LDAH: variants seen among roughly 807,000 people sequenced by gnomAD.
LDAH encodes lipid droplet associated hydrolase, also known as lipid droplet-associated hydrolase.
LDAH carries 26 observed loss-of-function variants against 29.6 expected under a neutral mutation model. The ratio of observed to expected loss-of-function variants is 0.88; its 90% confidence interval spans 0.64 to 1.22. The LOEUF is 1.22. Among genes scored for constraint, LDAH ranks in the 50% most tolerant of loss-of-function variants. LDAH has a pLI of 0.00. For synonymous variants in LDAH, 117 were observed against 133.0 expected (o/e 0.88, Z 0.83); for missense variants, 344 against 387.3 (o/e 0.89, Z 0.94).
At chr2:20,779,629 A>G (rs1670049851) in intron 3 of LDAH, among the ~76,000 whole-genome samples, 1 of 152,110 alleles carries the variant, frequency 6.6e-6, no homozygotes, top group African/African-American at 2.4e-5. Context: ...AGAACTAGAG[A>G]TGGGATACAA....
chr2:20,821,004 C>T (rs1260396337), intron 1 of LDAH, among the ~76,000 whole-genome samples: 1 of 151,438 alleles, frequency 6.6e-6, no homozygotes. Flanking sequence ...AGACAAAAAA[C>T]ACATGAAAAA....
At chr2:20,693,538 A>G (rs747682315) in intron 6 of LDAH, among the ~76,000 whole-genome samples, 2 of 152,162 alleles carry the variant, frequency 1.3e-5, no homozygotes, top group Non-Finnish European at 2.9e-5. Flanking sequence ...CCAAATAAAC[A>G]GTGAAGCACA....
intron 2 of LDAH, among the ~76,000 whole-genome samples, chr2:20,791,851 C>T (rs1216054628): frequency 6.6e-6 from 1 of 152,116 alleles, no homozygotes; most frequent in East Asian, 1.9e-4. Flanking sequence ...TTATATAATC[C>T]ATTCTTTCTG....
chr2:20,761,222 C>T (rs1668665457), intron 4 of LDAH, among the ~76,000 whole-genome samples: 1 of 152,038 alleles, frequency 6.6e-6, no homozygotes, highest in Admixed American at 6.6e-5. Flanking sequence ...CACTTATGAA[C>T]CAAGTGAGAA....
At chr2:20,797,655 T>C (rs1671392016) in intron 2 of LDAH, among the ~76,000 whole-genome samples, 1 of 152,104 alleles carries the variant, frequency 6.6e-6, no homozygotes, top group African/African-American at 2.4e-5. Flanking sequence ...TTCCAATTTG[T>C]TTTTTGTCTT....
intron 1 of LDAH, among the ~76,000 whole-genome samples, chr2:20,817,165 A>G (rs1205602477): frequency 6.6e-6 from 1 of 152,022 alleles, no homozygotes; most frequent in Non-Finnish European, 1.5e-5. Flanking sequence ...AAATAAACCT[A>G]AAGTGAGAAG....
At chr2:20,730,678 C>T (rs1666336179) in intron 5 of LDAH, among the ~76,000 whole-genome samples, 1 of 152,050 alleles carries the variant, frequency 6.6e-6, no homozygotes, top group Non-Finnish European at 1.5e-5. Flanking sequence ...GTAAGGTTTA[C>T]AGTTTAGGTT....
At chr2:20,726,381 T>C (rs1309078031) in intron 5 of LDAH, among the ~76,000 whole-genome samples, 1 of 152,072 alleles carries the variant, frequency 6.6e-6, no homozygotes, top group East Asian at 1.9e-4. Context: ...GGAACAAAAT[T>C]TAGGGTTGAG....
chr2:20,802,407 T>C (rs1349866341), intron 1 of LDAH, among the ~76,000 whole-genome samples: 1 of 152,134 alleles, frequency 6.6e-6, no homozygotes, highest in African/African-American at 2.4e-5. Flanking sequence ...AATTATGAAA[T>C]GGATAGGTGG....
At chr2:20,690,625 C>T (rs1036948374) in intron 6 of LDAH, among the ~76,000 whole-genome samples, 12 of 151,968 alleles carry the variant, frequency 7.9e-5, no homozygotes, top group Non-Finnish European at 8.8e-5. Flanking sequence ...TAGATCTGAC[C>T]GGAGAACTCC....
chr2:20,716,111 G>A (rs914126244), intron 5 of LDAH, among the ~76,000 whole-genome samples: 11 of 152,142 alleles, frequency 7.2e-5, no homozygotes, highest in Non-Finnish European at 1.2e-4. Flanking sequence ...AAATTGGAAT[G>A]CTTTTACACT....
At chr2:20,691,876 A>G (rs1663056514) in intron 6 of LDAH, among the ~76,000 whole-genome samples, 1 of 152,170 alleles carries the variant, frequency 6.6e-6, no homozygotes, top group South Asian at 2.1e-4. Context: ...TATGGTTACT[A>G]TGGTCTCTGG....
intron 6 of LDAH, among the ~76,000 whole-genome samples, chr2:20,688,655 C>G (rs1662746423): frequency 1.3e-5 from 2 of 152,158 alleles, no homozygotes; most frequent in Middle Eastern, 3.4e-3. Context: ...TGAGACTGAT[C>G]TTACGAAAAC....
intron 1 of LDAH, among the ~76,000 whole-genome samples, chr2:20,821,273 C>A (rs556550502): frequency 6.6e-6 from 1 of 152,136 alleles, no homozygotes; most frequent in African/African-American, 2.4e-5. Context: ...TGGGTATATA[C>A]CCAAAGGAAT....
At chr2:20,709,665 T>C (rs957965672) in intron 5 of LDAH, among the ~76,000 whole-genome samples, 1 of 152,090 alleles carries the variant, frequency 6.6e-6, no homozygotes, top group Non-Finnish European at 1.5e-5. Context: ...ACAAGAGAAT[T>C]AGAAACATAA....
intron 3 of LDAH, 44 bp downstream of exon 3, chr2:20,790,211 C>T (rs1482808581): frequency 1.2e-5 from 20 of 1,604,238 alleles, no homozygotes; most frequent in Non-Finnish European, 1.7e-5. Context: ...GAAACATGAC[C>T]CTGCACTCAC....
chr2:20,720,890 T>C (rs186951370), intron 5 of LDAH, among the ~76,000 whole-genome samples: 9 of 152,262 alleles, frequency 5.9e-5, no homozygotes, highest in East Asian at 5.8e-4. Context: ...GGGGAAAGGA[T>C]AGTCTCTCTA....
chr2:20,766,540 T>A (rs1298694377), intron 4 of LDAH, among the ~76,000 whole-genome samples: 2 of 152,210 alleles, frequency 1.3e-5, no homozygotes, highest in Non-Finnish European at 2.9e-5. Flanking sequence ...AGGATTTGTA[T>A]CATGAGTAAG....
chr2:20,772,237 T>C (rs757971223), intron 4 of LDAH, among the ~76,000 whole-genome samples: 1 of 152,314 alleles, frequency 6.6e-6, no homozygotes, highest in East Asian at 1.9e-4. Flanking sequence ...AAGTTAATAA[T>C]AGTCTGTGAT....
Sources: allele counts gnomAD v4.1 joint callset (sites outside exome capture counted in the v4.1 genomes callset), GRCh38; gene constraint gnomAD v4.1.1; transcripts MANE v1.5; gene names NCBI Gene and HGNC (gene_info 2026-07-23, HGNC 2026-07-21).